Variants in MPP7 observed in about 807,000 individuals in gnomAD.
MPP7 encodes the protein MAGUK p55 scaffold protein 7.
MPP7 carries 60 observed loss-of-function variants against 76.5 expected under a neutral mutation model. The ratio of observed to expected loss-of-function variants is 0.78; its 90% CI spans 0.64 to 0.97. The LOEUF is 0.97. MPP7 is among the 50% of genes least tolerant of loss of function. MPP7 has a pLI of 0.00. For synonymous variants in MPP7, 237 were observed against 244.5 expected (o/e 0.97, Z 0.29); for missense variants, 641 against 694.0 (o/e 0.92, Z 0.86).
At chr10:28,228,288 C>G (rs1258343829) in intron 2 of MPP7, among the ~76,000 whole-genome samples, 1 of 152,020 alleles carries the variant, frequency 6.6e-6, no homozygotes, top group Non-Finnish European at 1.5e-5. Context: ...GTTTTTTAAA[C>G]TGGATTCCTT....
In MPP7 at chr10:28,192,462, G is replaced by A. The variant is rs74129016; in HGVS notation, c.156+9691C>T. ...ACATCCAAAAATCAATTGCTTTCCT[G>A]TATACCAGTGCTGAACAGCTGAAAC... On this transcript the variant is annotated intron_variant, in intron 3 of 16. Coordinates refer to ENST00000683449, the MANE Select transcript of MPP7 (RefSeq NM_001318170.2). 2.4e-3 allele frequency among the ~76,000 whole-genome samples: 365 copies of A among 152,274 alleles called. 1 individual carries two copies. Among genetic ancestry groups the A allele is most frequent in the African/African-American group, 8.4e-3 (351 of 41,542 alleles).
intron 12 of MPP7, among the ~76,000 whole-genome samples, chr10:28,085,333 G>A (rs1852952703): frequency 2.6e-5 from 4 of 152,130 alleles, no homozygotes; most frequent in Admixed American, 2.6e-4. Context: ...GTCATGATGA[G>A]GACTGAAGGA....
chr10:28,330,245 ATCAGG>A (rs1242538733), intron 1 of MPP7, among the ~76,000 whole-genome samples: 6 of 152,338 alleles, frequency 3.9e-5, no homozygotes, highest in Admixed American at 1.3e-4. Flanking sequence ...GGTGACTAAA[ATCAGG>A]TCAAAACTGA....
intron 11 of MPP7, among the ~76,000 whole-genome samples, chr10:28,094,343 C>T (rs1241795057): frequency 6.6e-6 from 1 of 151,746 alleles, no homozygotes; most frequent in East Asian, 1.9e-4. Context: ...CTGATTGTTA[C>T]CAAGCAGAGG....
intron 12 of MPP7, among the ~76,000 whole-genome samples, chr10:28,089,114 T>C (rs567050866): frequency 1.3e-5 from 2 of 152,286 alleles, no homozygotes; most frequent in African/African-American, 4.8e-5. Flanking sequence ...GGCTTCACCA[T>C]GATGGCCAGG....
chr10:28,249,538 G>T (rs1474872468), intron 1 of MPP7, among the ~76,000 whole-genome samples: 1 of 152,188 alleles, frequency 6.6e-6, no homozygotes. Flanking sequence ...GTAGTGAGCT[G>T]AGATCCACTG....
chr10:28,238,830 AT>A, intron 1 of MPP7, 95 bp from the exon 2 acceptor site: 1 of 529,432 alleles, frequency 1.9e-6, no homozygotes, highest in Non-Finnish European at 3.3e-6. Flanking sequence ...CCCAATCACT[AT>A]TGGAGAGATC....
intron 13 of MPP7, among the ~76,000 whole-genome samples, chr10:28,067,402 G>A (rs185864593): frequency 4.6e-5 from 7 of 151,370 alleles, no homozygotes; most frequent in East Asian, 3.9e-4. Context: ...GGTTTGATGC[G>A]GTATTTTCCA....
At chr10:28,069,700 TA>T in intron 13 of MPP7, 71 bp downstream of exon 13, 1 of 1,272,692 alleles carries the variant, frequency 7.9e-7, no homozygotes, top group Non-Finnish European at 1.1e-6. Flanking sequence ...AAAAATTTTT[TA>T]AAATAATTTT....
chr10:28,131,812 G>C, intron 5 of MPP7, 121 bp from the exon 6 acceptor site: 1 of 369,290 alleles, frequency 2.7e-6, no homozygotes, highest in Non-Finnish European at 3.9e-6. Flanking sequence ...TTACGGTTTT[G>C]ACATAGTAGT....
At chr10:28,192,027 G>C (rs1837427468) in intron 3 of MPP7, among the ~76,000 whole-genome samples, 1 of 152,052 alleles carries the variant, frequency 6.6e-6, no homozygotes, top group Non-Finnish European at 1.5e-5. Flanking sequence ...GAGAAGCTGA[G>C]GCACGAGAAT....
At position 28,205,701 on chromosome 10, in the gene MPP7, G is replaced by A. The variant is rs577226168; in HGVS notation, c.38-3430C>T. Among the ~76,000 whole-genome samples the A allele has an allele frequency of 4.6e-5, 7 of 152,216 alleles. No individual in the cohort carries two copies. The East Asian group carries it at 7.7e-4, about 17-fold the overall frequency. ...GTCCAGGACAAGGTTAGAGTGCTGC[G>A]GCAATGGCAAGGGAAGTGGTCAATT... On this transcript the variant is annotated intron_variant, in intron 2 of 16. Coordinates refer to ENST00000683449, the MANE Select transcript of MPP7 (RefSeq NM_001318170.2).
At chr10:28,202,581 C>A (rs1451838765) in intron 2 of MPP7, among the ~76,000 whole-genome samples, 1 of 152,146 alleles carries the variant, frequency 6.6e-6, no homozygotes, top group African/African-American at 2.4e-5. Flanking sequence ...GCATACATTC[C>A]TTTCCTTAAT....
chr10:28,169,518 T>TA lies in MPP7; in HGVS notation c.157-19460dup, dbSNP rs56852395. Among the ~76,000 whole-genome samples the TA allele has an allele frequency of 9.2e-3, 1,403 of 151,944 alleles. 22 individuals are homozygous for TA. The highest frequency in any genetic ancestry group is 0.054 in the East Asian group (278 of 5,178). On this transcript the variant is annotated intron_variant, in intron 3 of 16. Coordinates refer to ENST00000683449, the MANE Select transcript of MPP7 (RefSeq NM_001318170.2). Reference sequence around the variant, plus strand: ...GCAACAAAGCAAGACCCCATCTCTTTAAAAAAAATAATTAATACACGTTAG... The same window carrying TA: ...GCAACAAAGCAAGACCCCATCTCTTTAAAAAAAAATAATTAATACACGTTAG...
intron 2 of MPP7, among the ~76,000 whole-genome samples, chr10:28,311,765 C>G (rs1589046441): frequency 1.3e-5 from 2 of 151,716 alleles, no homozygotes; most frequent in African/African-American, 4.8e-5. Context: ...TTAATACACA[C>G]ACACACACAC....
rs577135860 is a variant in MPP7 at position 28,201,564 on chromosome 10, T to TG, written c.156+588dup. On this transcript the variant is annotated intron_variant, in intron 3 of 16. Transcript: ENST00000683449. ...TCTGATCACTCCCAATGTTGCTGTATGGCCAGACCCGATTTCTGCTGGCTG... is the reference window on the plus strand; with the variant it reads ...TCTGATCACTCCCAATGTTGCTGTATGGGCCAGACCCGATTTCTGCTGGCTG... Among the ~76,000 whole-genome samples the TG allele has an allele frequency of 9.9e-5, 15 of 152,272 alleles. No homozygotes were observed. In the South Asian group the frequency reaches 3.1e-3, roughly 32 times the overall value.
At chr10:28,281,578 T>C (rs12356457) in intron 1 of MPP7, among the ~76,000 whole-genome samples, 14,930 of 152,020 alleles carry the variant, frequency 0.098, 930 homozygotes, top group South Asian at 0.16. Flanking sequence ...ACAGAAAAAA[T>C]AAAAACAGCT....
At chr10:28,246,804 G>A (rs1447194239) in intron 1 of MPP7, among the ~76,000 whole-genome samples, 1 of 151,928 alleles carries the variant, frequency 6.6e-6, no homozygotes, top group Non-Finnish European at 1.5e-5. Context: ...TTGACACATG[G>A]AGATTACAAT....
Position 28,051,241 on chromosome 10 carries a change from T to A in MPP7, c.*2824A>T, listed in dbSNP as rs1487729380. The A allele has an allele frequency of 1.3e-5, 2 of 152,134 alleles. No homozygotes were observed. Among genetic ancestry groups the A allele is most frequent in the Non-Finnish European group, 2.9e-5 (2 of 68,018 alleles). 9.4% of individuals were successfully genotyped at this position (152,134 alleles called of 1,614,324 possible). ...ACATTTATTTATAAATCCTTCCTAG[T>A]CAAAATAAAATAATAAAAATCTGTA... is the stretch of plus-strand genomic sequence containing the variant. On this transcript the variant is annotated 3_prime_UTR_variant, in exon 17 of 17. Transcript: ENST00000683449.
Sources: gnomAD v4.1 joint callset for allele counts (sites outside exome capture counted in the v4.1 genomes callset) on GRCh38, gnomAD v4.1.1 for gene constraint, MANE v1.5 for transcripts, NCBI Gene and HGNC (gene_info 2026-07-23, HGNC 2026-07-21) for gene names.